SPIN1: variants seen among roughly 807,000 people sequenced by gnomAD.
SPIN1 encodes spindlin 1, also known as spindlin-1.
A neutral mutation model predicts 26.0 loss-of-function variants in SPIN1; 3 were observed. The observed-to-expected ratio is 0.12, with a 90% CI of 0.05 to 0.30. The LOEUF is 0.30. Among genes scored for constraint, SPIN1 ranks in the 10% least tolerant of loss-of-function variants. The pLI, the probability that SPIN1 is intolerant of heterozygous loss-of-function variation, is 1.00. For missense variants in SPIN1, 126 were observed against 333.4 expected, an observed-to-expected ratio of 0.38 and a Z score of 4.84; for synonymous variants, 101 against 116.5, an observed-to-expected ratio of 0.87 and a Z score of 0.86.
At position 88,433,978 on chromosome 9, in the gene SPIN1, G is replaced by C. The variant is rs3793636; in HGVS notation, c.52+7387G>C. On this transcript the variant is annotated intron_variant, in intron 2 of 5. Coordinates refer to ENST00000375859, the MANE Select transcript of SPIN1 (RefSeq NM_006717.3). ...GACAGCGTTTGAGGACCTCCTTTAC[G>C]CTGTGTAAAGTCTCAGTTTCCAAGA... 1.8e-4 allele frequency among the ~76,000 whole-genome samples: 27 copies of C among 151,824 alleles called. No homozygotes were observed. The South Asian group carries it at 2.9e-3, about 16-fold the overall frequency.
chr9:88,447,309 A>G (rs1255937544), intron 2 of SPIN1, among the ~76,000 whole-genome samples: 9 of 152,006 alleles, frequency 5.9e-5, no homozygotes, highest in South Asian at 4.2e-4. Context: ...AATGTTGTCA[A>G]TGTCCTTACC....
At position 88,478,368 on chromosome 9, in the gene SPIN1, A is replaced by G. The variant is rs1301111347; in HGVS notation, c.*3091A>G. On this transcript the variant is annotated 3_prime_UTR_variant, in exon 6 of 6. Transcript: ENST00000375859. ...AAAGACAAAACAGAACAATTATTAT[A>G]ACAAAATAATTATGGTTGAAATGTC... The G allele has an allele frequency of 6.6e-6, 1 of 152,626 alleles. No individual in the cohort carries two copies. The highest frequency in any genetic ancestry group is 1.5e-5 in the Non-Finnish European group (1 of 68,028). The allele number at this position is 152,626 out of a possible 1,614,324, so 9.5% of individuals were successfully genotyped here. A position where few individuals can be genotyped will look rare whatever the true frequency, so the allele number is the denominator to read the frequency against.
intron 1 of SPIN1, chr9:88,391,550 C>T (rs1450159714): frequency 6.6e-6 from 1 of 152,274 alleles, no homozygotes; most frequent in African/African-American, 2.4e-5. Flanking sequence ...TCAATTTTGC[C>T]ATACTTCCTT....
At chr9:88,458,119 G>T (rs1400611914) in intron 3 of SPIN1, among the ~76,000 whole-genome samples, 1 of 152,140 alleles carries the variant, frequency 6.6e-6, no homozygotes, top group African/African-American at 2.4e-5. Context: ...AAAGATAATT[G>T]TTGGAAGACT....
intron 1 of SPIN1, among the ~76,000 whole-genome samples, chr9:88,395,918 G>A (rs553024714): frequency 1.8e-4 from 28 of 151,888 alleles, no homozygotes; most frequent in Admixed American, 1.2e-3. Flanking sequence ...GTGGTGGCGC[G>A]TGCCTGTAAT....
At chr9:88,462,785 T>G (rs765598372) in intron 4 of SPIN1, 36 bp downstream of exon 4, 2 of 1,547,292 alleles carry the variant, frequency 1.3e-6, no homozygotes, top group Non-Finnish European at 8.7e-7. Flanking sequence ...TTATATACTT[T>G]AAAAATGATA....
At chr9:88,442,861 C>T (rs1382388230) in intron 2 of SPIN1, among the ~76,000 whole-genome samples, 1 of 151,952 alleles carries the variant, frequency 6.6e-6, no homozygotes, top group East Asian at 1.9e-4. Flanking sequence ...GTGGCGCACG[C>T]CTGTAATCCC....
chr9:88,434,535 T>C (rs949768282), intron 2 of SPIN1, among the ~76,000 whole-genome samples: 17 of 152,258 alleles, frequency 1.1e-4, no homozygotes, highest in African/African-American at 3.9e-4. Flanking sequence ...ACTCCCCATT[T>C]GGTGACAAAC....
At chr9:88,392,991 A>G (rs1036596158) in intron 1 of SPIN1, among the ~76,000 whole-genome samples, 2 of 152,192 alleles carry the variant, frequency 1.3e-5, no homozygotes, top group African/African-American at 4.8e-5. Context: ...GTTTTAGAAC[A>G]GTATGAAAGG....
At chr9:88,465,476 C>T (rs920561322) in intron 4 of SPIN1, among the ~76,000 whole-genome samples, 6 of 152,096 alleles carry the variant, frequency 3.9e-5, no homozygotes, top group Admixed American at 3.9e-4. Flanking sequence ...CTGTTTTTGT[C>T]ATAGTGGTCA....
At chr9:88,416,019 GTGC>G (rs1331931960) in intron 1 of SPIN1, among the ~76,000 whole-genome samples, 2 of 151,242 alleles carry the variant, frequency 1.3e-5, no homozygotes, top group Admixed American at 1.3e-4. Flanking sequence ...GCCTTCCAAA[GTGC>G]TGCCATTACA....
chr9:88,437,104 T>A (rs1369604410), intron 2 of SPIN1, among the ~76,000 whole-genome samples: 1 of 152,140 alleles, frequency 6.6e-6, no homozygotes, highest in African/African-American at 2.4e-5. Context: ...TCATTTCTTT[T>A]TATCACCAAA....
chr9:88,459,941 A>G (rs1179848844), intron 3 of SPIN1, among the ~76,000 whole-genome samples: 2 of 152,168 alleles, frequency 1.3e-5, no homozygotes, highest in African/African-American at 4.8e-5. Context: ...CTTCTGGCAT[A>G]GAGTGTTGCT....
chr9:88,430,974 C>T (rs7032117), intron 2 of SPIN1, among the ~76,000 whole-genome samples: 8,119 of 151,686 alleles, frequency 0.054, 698 homozygotes, highest in African/African-American at 0.18. Flanking sequence ...CCTCTGCCTC[C>T]CAGGTTCAAG....
intron 5 of SPIN1, among the ~76,000 whole-genome samples, chr9:88,469,610 G>A (rs577031407): frequency 7.4e-4 from 113 of 152,192 alleles, no homozygotes; most frequent in Middle Eastern, 3.4e-3. Context: ...CGCCTCCCAC[G>A]CTCAAGCGAG....
At chr9:88,451,957 C>A (rs980301821) in intron 3 of SPIN1, among the ~76,000 whole-genome samples, 1 of 152,172 alleles carries the variant, frequency 6.6e-6, no homozygotes, top group African/African-American at 2.4e-5. Flanking sequence ...TGTAAATTCC[C>A]TCCCCCCTCC....
intron 2 of SPIN1, among the ~76,000 whole-genome samples, chr9:88,445,518 TTTATTATTATTATTATTATTATTA>T (rs138265190): frequency 1.5e-5 from 2 of 134,610 alleles, no homozygotes; most frequent in African/African-American, 5.5e-5. Flanking sequence ...TATTGAGACT[TTTATTATTATTATTATTATTATTA>T]TTATTATTAT....
rs201982709 is a variant in SPIN1, at chr9:88,468,430, A to G, written c.414A>G (p.Glu138=). 4.3e-6 allele frequency: 7 copies of G among 1,612,996 alleles called. No individual in the cohort carries two copies. The highest frequency in any genetic ancestry group is 5.1e-6 in the Non-Finnish European group (6 of 1,179,576). ...ACACAATGATTGGCAAAGCAGTGGA[A>G]CATATGTTTGAGACAGAGGATGGTT... ...LADTMIGKAV[E]HMFETEDGSK... is the part of the protein sequence containing the mutation. The change falls in exon 5 of 6, where the codon GAA becomes GAG. Residue 138 remains glutamate, a synonymous_variant. Coordinates refer to ENST00000375859, the MANE Select transcript of SPIN1 (RefSeq NM_006717.3).
At position 88,475,437 on chromosome 9, in the gene SPIN1, T is replaced by C; in HGVS notation, c.*160T>C. 2 of 610,604 alleles carry C rather than the reference T, an allele frequency of 3.3e-6. No individual in the cohort carries two copies. Among genetic ancestry groups the C allele is most frequent in the Non-Finnish European group, 5.3e-6 (2 of 374,746 alleles). The allele number at this position is 610,604 out of a possible 1,614,324, so 37.8% of individuals were successfully genotyped here. On this transcript the variant is annotated 3_prime_UTR_variant, in exon 6 of 6. Coordinates refer to ENST00000375859, the MANE Select transcript of SPIN1 (RefSeq NM_006717.3). ...TTTTGTTCTGAATAGTACAGATTGA[T>C]GTGAACACAAAGCATTTTGTGTAAG...
Sources: allele counts gnomAD v4.1 joint callset (sites outside exome capture counted in the v4.1 genomes callset), GRCh38; gene constraint gnomAD v4.1.1; transcripts MANE v1.5; gene names NCBI Gene and HGNC (gene_info 2026-07-23, HGNC 2026-07-21).